TCF4: variants seen among roughly 807,000 people sequenced by gnomAD.
TCF4 encodes transcription factor 4.
In TCF4, 3 loss-of-function variants were observed where a neutral mutation model predicts 82.1. The ratio of observed to expected loss-of-function variants is 0.04; its 90% CI spans 0.02 to 0.09. The LOEUF is 0.09. Ranked by LOEUF, TCF4 falls within the 10% of genes least tolerant of loss-of-function variation. The pLI, the probability that TCF4 is intolerant of heterozygous loss-of-function variation, is 1.00. For synonymous variants in TCF4, 276 were observed against 309.6 expected, an observed-to-expected ratio of 0.89 and a Z score of 1.14; for missense variants, 518 against 852.7, an observed-to-expected ratio of 0.61 and a Z score of 4.89.
At chr18:55,493,658 T>A (rs968579656) in intron 3 of TCF4, among the ~76,000 whole-genome samples, 2 of 152,142 alleles carry the variant, frequency 1.3e-5, no homozygotes, top group Non-Finnish European at 2.9e-5. Flanking sequence ...AATTACTTGA[T>A]GAATCTTATT....
intron 5 of TCF4, among the ~76,000 whole-genome samples, chr18:55,452,122 A>G (rs1603474779): frequency 6.6e-6 from 1 of 152,022 alleles, no homozygotes; most frequent in East Asian, 1.9e-4. Flanking sequence ...GGTTACCTTT[A>G]ATGATAGATG....
rs553671391 is a variant in TCF4, at chr18:55,543,667, A to T, written c.145+41613T>A. 3.8e-4 allele frequency among the ~76,000 whole-genome samples: 58 copies of T among 152,286 alleles called. 1 individual carries two copies. In the South Asian group the frequency reaches 9.3e-3, roughly 24 times the overall value. On this transcript the variant is annotated intron_variant, in intron 3 of 19. Coordinates refer to ENST00000354452, the MANE Select transcript of TCF4 (RefSeq NM_001083962.2). The stretch of plus-strand genomic sequence containing the variant: ...ATTTCAGTCAAGGTGTAACTGTTTT[A>T]GAAAGCCACCGTTCACTGAAGAATA...
At chr18:55,403,919 T>C (rs1569395252) in intron 5 of TCF4, 9 of 1,409,644 alleles carry the variant, frequency 6.4e-6, no homozygotes, top group Non-Finnish European at 8.3e-6. Context: ...TGACACTTAA[T>C]AGTGAGGCCA....
At chr18:55,247,113 G>T (rs146599516) in intron 15 of TCF4, among the ~76,000 whole-genome samples, 3,092 of 152,284 alleles carry the variant, frequency 0.02, 57 homozygotes, top group Non-Finnish European at 0.032. Flanking sequence ...GGGCCATACG[G>T]TGTATAAGGA....
intron 2 of TCF4, among the ~76,000 whole-genome samples, chr18:55,622,084 C>T (rs889333743): frequency 1.5e-5 from 2 of 137,454 alleles, no homozygotes; most frequent in African/African-American, 2.7e-5. Flanking sequence ...TATATATATA[C>T]ACACTATTAT....
chr18:55,588,123 T>TGCTCCTGCGCCCGCTCCC lies in TCF4; in HGVS notation c.-124_-107dup. On this transcript the variant is annotated 5_prime_UTR_variant, in exon 1 of 20. Coordinates refer to ENST00000354452, the MANE Select transcript of TCF4 (RefSeq NM_001083962.2). ...AACCGCCGCCGCCACCGCCGCCGCC[T>TGCTCCTGCGCCCGCTCCC]GCTCCTGCGCCCGCTCCCGCGCCTG... 1.9e-6 allele frequency: 2 copies of TGCTCCTGCGCCCGCTCCC among 1,046,608 alleles called. No homozygotes were observed. The highest frequency in any genetic ancestry group is 2.3e-6 in the Non-Finnish European group (2 of 875,348). The allele number at this position is 1,046,608 out of a possible 1,614,324, so 64.8% of individuals were successfully genotyped here. A position where few individuals can be genotyped will look rare whatever the true frequency, so the allele number is the denominator to read the frequency against.
intron 8 of TCF4, among the ~76,000 whole-genome samples, chr18:55,348,067 GTGACCA>G (rs1213540764): frequency 3.9e-5 from 6 of 152,136 alleles, no homozygotes; most frequent in Non-Finnish European, 8.8e-5. Context: ...CTAGAAAAGT[GTGACCA>G]TGTCTACTGC....
At chr18:55,580,875 T>C (rs2147775090) in intron 3 of TCF4, among the ~76,000 whole-genome samples, 1 of 151,986 alleles carries the variant, frequency 6.6e-6, no homozygotes, top group South Asian at 2.1e-4. Context: ...TCTGTCTCTG[T>C]TTCCTCAGCT....
intron 5 of TCF4, among the ~76,000 whole-genome samples, chr18:55,405,849 C>T (rs2094058948): frequency 6.6e-6 from 1 of 152,146 alleles, no homozygotes; most frequent in Admixed American, 6.6e-5. Flanking sequence ...ACCCAGCATT[C>T]TTTACTATCA....
At chr18:55,575,338 G>T (rs1320048843) in intron 3 of TCF4, among the ~76,000 whole-genome samples, 1 of 152,144 alleles carries the variant, frequency 6.6e-6, no homozygotes, top group East Asian at 1.9e-4. Context: ...CATTAAAACT[G>T]ACATCGTTTA....
intron 3 of TCF4, among the ~76,000 whole-genome samples, chr18:55,466,342 T>C (rs1037163474): frequency 3.9e-5 from 6 of 152,026 alleles, no homozygotes. Context: ...CAAAAATTTT[T>C]AAAATTAGCC....
chr18:55,268,003 C>T (rs984269393), intron 11 of TCF4: 1 of 152,120 alleles, frequency 6.6e-6, no homozygotes, highest in Non-Finnish European at 1.5e-5. Context: ...CCAGCTAAAA[C>T]CAAGCAAAAC....
chr18:55,495,147 G>A (rs1325023450), intron 3 of TCF4, among the ~76,000 whole-genome samples: 1 of 151,828 alleles, frequency 6.6e-6, no homozygotes, highest in Non-Finnish European at 1.5e-5. Flanking sequence ...TCAGACTGTT[G>A]ACTCATTTAA....
rs1316971270 is a variant in TCF4, at chr18:55,587,999, G to A, written c.-21+39C>T. On this transcript the variant is annotated intron_variant, in intron 1 of 19. Transcript: ENST00000354452. ...GAGCCCGAACCCCGCGCCGCCGGGC[G>A]CCTCCGCCCCGCCGAGCCCCGCAGG... 3.0e-5 allele frequency: 29 copies of A among 979,974 alleles called. No homozygotes were observed. The South Asian group carries it at 1.3e-3, about 45-fold the overall frequency. The allele number at this position is 979,974 out of a possible 1,614,324, so 60.7% of individuals were successfully genotyped here.
chr18:55,284,381 C>T (rs973280987), intron 8 of TCF4: 4 of 149,804 alleles, frequency 2.7e-5, no homozygotes, highest in African/African-American at 9.9e-5. Flanking sequence ...CATTGCACTC[C>T]AGCCTGGGCG....
chr18:55,305,209 T>TTAGGGAGAAGGC (rs2069848717), intron 8 of TCF4, among the ~76,000 whole-genome samples: 1 of 152,178 alleles, frequency 6.6e-6, no homozygotes, highest in East Asian at 1.9e-4. Context: ...AATCAGCCTT[T>TTAGGGAGAAGGC]TAGGGAGAAG....
chr18:55,473,340 T>C (rs1042820718), intron 3 of TCF4, among the ~76,000 whole-genome samples: 3 of 152,216 alleles, frequency 2.0e-5, no homozygotes, highest in Non-Finnish European at 4.4e-5. Context: ...TCTTTCCTCT[T>C]GCTTTCTCCT....
chr18:55,430,920 T>C (rs1252567728), intron 5 of TCF4, among the ~76,000 whole-genome samples: 1 of 152,126 alleles, frequency 6.6e-6, no homozygotes, highest in Non-Finnish European at 1.5e-5. Flanking sequence ...TGATCACATT[T>C]CGCCGAGAAA....
intron 2 of TCF4, among the ~76,000 whole-genome samples, chr18:55,622,243 C>G (rs557350631): frequency 6.7e-6 from 1 of 150,212 alleles, no homozygotes; most frequent in Admixed American, 6.7e-5. Flanking sequence ...GAGTGGTGGA[C>G]CATGCCTGTA....
Sources: gnomAD v4.1 joint callset for allele counts (sites outside exome capture counted in the v4.1 genomes callset) on GRCh38, gnomAD v4.1.1 for gene constraint, MANE v1.5 for transcripts, NCBI Gene and HGNC (gene_info 2026-07-23, HGNC 2026-07-21) for gene names.